Variants in PUDP observed in about 807,000 individuals in gnomAD.
PUDP encodes the protein pseudouridine 5'-phosphatase, also known as pseudouridine-5'-phosphatase.
In PUDP, 8 loss-of-function variants were observed where a neutral mutation model predicts 9.4. The observed-to-expected ratio is 0.85, with a 90% confidence interval of 0.50 to 1.53. PUDP has a LOEUF of 1.53. Among genes scored for constraint, PUDP ranks in the 40% most tolerant of loss-of-function variants. The pLI is 0.00. For synonymous variants in PUDP, 99 were observed against 80.7 expected (o/e 1.23, Z -1.22); for missense variants, 188 against 189.7 (o/e 0.99, Z 0.05).
At chrX:6,793,532 C>T (rs1367732481) in intron 3 of PUDP, among the ~76,000 whole-genome samples, 1 of 112,152 alleles carries the variant, frequency 8.9e-6, no homozygotes, top group Admixed American at 9.4e-5. Flanking sequence ...ATTTAAAGTA[C>T]ACATAAAAGG....
intron 2 of PUDP, among the ~76,000 whole-genome samples, chrX:7,092,365 G>A (rs973173222): frequency 8.9e-6 from 1 of 112,724 alleles, no homozygotes; most frequent in African/African-American, 3.2e-5. Context: ...AATACTTTAA[G>A]TTATAGTAAT....
At chrX:6,866,445 A>G (rs1927087293) in intron 3 of PUDP, among the ~76,000 whole-genome samples, 1 of 111,444 alleles carries the variant, frequency 9.0e-6, no homozygotes, top group Admixed American at 9.6e-5. Flanking sequence ...ATATCAAATA[A>G]AGAGAATTCA....
intron 1 of PUDP, among the ~76,000 whole-genome samples, chrX:7,030,274 T>C (rs1290444206): frequency 9.0e-6 from 1 of 110,687 alleles, no homozygotes; most frequent in Non-Finnish European, 1.9e-5. Context: ...ATGACAAGAA[T>C]AATGACAAGA....
upstream of PUDP, among the ~76,000 whole-genome samples, chrX:6,726,218 C>T (rs181422037): frequency 5.1e-3 from 572 of 111,389 alleles, 7 homozygotes; most frequent in African/African-American, 0.018. Flanking sequence ...CCAACATGGC[C>T]TCTGGTACAT....
intron 3 of PUDP, among the ~76,000 whole-genome samples, chrX:6,896,302 C>A (rs765596447): frequency 1.8e-5 from 2 of 111,770 alleles, no homozygotes; most frequent in South Asian, 7.5e-4. Flanking sequence ...GACCCTTGAG[C>A]GCATCTTCAG....
chrX:7,096,349 G>A (rs1042020442), intron 2 of PUDP, among the ~76,000 whole-genome samples: 7 of 111,605 alleles, frequency 6.3e-5, no homozygotes, highest in African/African-American at 2.3e-4. Context: ...ATATCTCTGT[G>A]TGCCTGTGGG....
chrX:6,974,271 G>C (rs1431939985), intron 3 of PUDP, among the ~76,000 whole-genome samples: 1 of 111,810 alleles, frequency 8.9e-6, no homozygotes, highest in Non-Finnish European at 1.9e-5. Context: ...TATTTTGCCA[G>C]TTAGTTGATG....
chrX:7,103,732 C>T (rs961866187), intron 2 of PUDP, among the ~76,000 whole-genome samples: 8 of 112,142 alleles, frequency 7.1e-5, no homozygotes, highest in Non-Finnish European at 1.3e-4. Context: ...CAAAAATAAG[C>T]AAAGGATGTG....
chrX:6,712,397 G>A (rs1159025218), intron 1 of PUDP, among the ~76,000 whole-genome samples: 4 of 111,667 alleles, frequency 3.6e-5, no homozygotes, highest in African/African-American at 1.3e-4. Context: ...TGATCTGCCC[G>A]CCTCAGTCTC....
intron 1 of PUDP, among the ~76,000 whole-genome samples, chrX:7,030,819 G>T (rs1192535284): frequency 1.8e-5 from 2 of 111,426 alleles, no homozygotes; most frequent in African/African-American, 6.5e-5. Context: ...CCCCAAGAGA[G>T]GGTTCTTGGA....
chrX:6,846,746 T>C (rs1026025353), intron 3 of PUDP, among the ~76,000 whole-genome samples: 3 of 111,435 alleles, frequency 2.7e-5, no homozygotes, highest in African/African-American at 9.8e-5. Flanking sequence ...AACTACTGAG[T>C]ATTTTATATA....
intron 3 of PUDP, among the ~76,000 whole-genome samples, chrX:6,772,718 C>T (rs1227225998): frequency 9.2e-6 from 1 of 108,659 alleles, no homozygotes; most frequent in East Asian, 2.9e-4. Context: ...ATCACTTGAG[C>T]CAAGGAGTTC....
At chrX:6,963,304 G>C (rs763025554) in intron 3 of PUDP, among the ~76,000 whole-genome samples, 1 of 111,474 alleles carries the variant, frequency 9.0e-6, no homozygotes, top group Non-Finnish European at 1.9e-5. Flanking sequence ...CTAACAGAAA[G>C]GGAGGCTGGA....
chrX:6,752,495 G>C (rs760411074), intron 3 of PUDP, among the ~76,000 whole-genome samples: 1 of 111,844 alleles, frequency 8.9e-6, no homozygotes. Context: ...GCTCAGAGTG[G>C]AGGATTTATT....
In PUDP at chrX:6,868,442, T is replaced by C. The variant is rs1327596227; in HGVS notation, c.*247+108691A>G. Among the ~76,000 whole-genome samples, 8 of 112,147 alleles carry C rather than the reference T, an allele frequency of 7.1e-5. No individual in the cohort carries two copies. In the Admixed American group the frequency reaches 7.6e-4, roughly 11 times the overall value. ...GAATAAGCTCCTATAAAGCTTATGG[T>C]CAAAATATGAATGAGCTGGTTCTCC... On this transcript the variant is annotated intron_variant and NMD_transcript_variant, in intron 3 of 3. Coordinates refer to the PUDP transcript ENST00000655425.
intron 3 of PUDP, among the ~76,000 whole-genome samples, chrX:6,739,434 G>A (rs1301962338): frequency 4.5e-5 from 5 of 111,346 alleles, no homozygotes; most frequent in African/African-American, 1.6e-4. Flanking sequence ...TTATCAATTC[G>A]GAGTAACATT....
At chrX:6,991,128 T>C (rs1422371428) in intron 1 of PUDP, among the ~76,000 whole-genome samples, 1 of 111,977 alleles carries the variant, frequency 8.9e-6, no homozygotes, top group African/African-American at 3.2e-5. Flanking sequence ...CCAGGACGCT[T>C]GCCCCCAAGC....
intron 3 of PUDP, among the ~76,000 whole-genome samples, chrX:7,060,302 T>C (rs146920107): frequency 1.0e-3 from 115 of 112,421 alleles, no homozygotes; most frequent in African/African-American, 3.1e-3. Context: ...CAAACAAAGA[T>C]GTGTTGCAGT....
At chrX:6,754,343 G>C (rs986095130) in intron 3 of PUDP, among the ~76,000 whole-genome samples, 2 of 111,207 alleles carry the variant, frequency 1.8e-5, no homozygotes, top group African/African-American at 6.5e-5. Flanking sequence ...CTCCCGCCAT[G>C]ATTGTGAGGC....
Sources: gnomAD v4.1 joint callset for allele counts (sites outside exome capture counted in the v4.1 genomes callset) on GRCh38, gnomAD v4.1.1 for gene constraint, MANE v1.5 for transcripts, NCBI Gene and HGNC (gene_info 2026-07-23, HGNC 2026-07-21) for gene names.